TNNI3K: variants seen among roughly 807,000 people sequenced by gnomAD.
The protein encoded by TNNI3K is serine/threonine-protein kinase TNNI3K.
In TNNI3K, 140 loss-of-function variants were observed where a neutral mutation model predicts 114.5. That is an observed-to-expected ratio of 1.22 (90% CI 1.07 to 1.41). TNNI3K has a LOEUF of 1.41. Ranked by LOEUF, TNNI3K falls within the 40% of genes most tolerant of loss-of-function variation. TNNI3K has a pLI of 0.00. For missense variants in TNNI3K, 1,125 were observed against 1,007.6 expected, an observed-to-expected ratio of 1.12 and a Z score of -1.58; for synonymous variants, 347 against 347.5, an observed-to-expected ratio of 1.00 and a Z score of 0.02.
intron 11 of TNNI3K, chr1:74,366,779 T>C (rs2100513550): frequency 6.6e-6 from 1 of 152,216 alleles, no homozygotes; most frequent in South Asian, 2.1e-4. Flanking sequence ...TCTAAAAACC[T>C]ATGTAAATTA....
chr1:74,544,259 C>A lies in TNNI3K; in HGVS notation c.*277C>A. On this transcript the variant is annotated 3_prime_UTR_variant, in exon 25 of 25. Transcript: ENST00000326637. ...TTTAGATCGTTACTTGGAAATGGAGCCTAAGTCTGTGGTGGACAGATAATA... is the reference window on the plus strand; with the variant it reads ...TTTAGATCGTTACTTGGAAATGGAGACTAAGTCTGTGGTGGACAGATAATA... 1 of 362,160 alleles carries A rather than the reference C, an allele frequency of 2.8e-6. No homozygotes were observed. Among genetic ancestry groups the A allele is most frequent in the Admixed American group, 5.0e-5 (1 of 19,962 alleles). The allele number at this position is 362,160 out of a possible 1,614,324, so 22.4% of individuals were successfully genotyped here.
At chr1:74,283,695 A>G (rs1024909484) in intron 5 of TNNI3K, among the ~76,000 whole-genome samples, 2 of 152,178 alleles carry the variant, frequency 1.3e-5, no homozygotes, top group African/African-American at 4.8e-5. Flanking sequence ...CATTTGTGTT[A>G]ATTTGCATCC....
At chr1:74,496,427 A>T (rs1161932703) in intron 23 of TNNI3K, among the ~76,000 whole-genome samples, 2 of 152,178 alleles carry the variant, frequency 1.3e-5, no homozygotes, top group African/African-American at 2.4e-5. Flanking sequence ...ATGATTTTGA[A>T]AAATCAGTAC....
chr1:74,334,158 T>G (rs1010994730), intron 6 of TNNI3K, among the ~76,000 whole-genome samples: 1 of 152,214 alleles, frequency 6.6e-6, no homozygotes, highest in Non-Finnish European at 1.5e-5. Context: ...GAAGCTGAAG[T>G]ATCAAAACTA....
At chr1:74,464,862 TA>T in intron 21 of TNNI3K, 1 of 1,383,716 alleles carries the variant, frequency 7.2e-7, no homozygotes, top group Non-Finnish European at 9.4e-7. Flanking sequence ...TTCACTGCTA[TA>T]ACACTAACAT....
At chr1:74,289,239 A>G (rs551458545) in intron 5 of TNNI3K, among the ~76,000 whole-genome samples, 4 of 152,152 alleles carry the variant, frequency 2.6e-5, no homozygotes, top group African/African-American at 9.6e-5. Flanking sequence ...GACTTAAAAA[A>G]TGGATATATG....
chr1:74,235,469 T>G lies in TNNI3K; in HGVS notation c.18T>G (p.Ser6=). 3 of 1,519,270 alleles carry G rather than the reference T, an allele frequency of 2.0e-6. No homozygotes were observed. 94.1% of individuals were successfully genotyped at this position (1,519,270 alleles called of 1,614,324 possible). A position where few individuals can be genotyped will look rare whatever the true frequency, so the allele number is the denominator to read the frequency against. MGNYK[S]RPTQTCTDEW... The stretch of plus-strand genomic sequence containing the variant: ...TATAATAAATGGGAAATTATAAATC[T>G]AGACCAACCCAAACTTGTACTGGTA... Residue 6 remains serine (S), a synonymous_variant, in exon 1 of 25, where the codon TCT becomes TCG. Coordinates refer to ENST00000326637, the MANE Select transcript of TNNI3K (RefSeq NM_015978.3).
At chr1:74,317,859 T>G (rs767826103) in intron 5 of TNNI3K, among the ~76,000 whole-genome samples, 5 of 152,230 alleles carry the variant, frequency 3.3e-5, no homozygotes, top group Admixed American at 2.6e-4. Flanking sequence ...TTTCTTCAGA[T>G]GGACCCGCTG....
intron 5 of TNNI3K, among the ~76,000 whole-genome samples, chr1:74,319,977 AC>A (rs1256180276): frequency 1.3e-5 from 2 of 152,190 alleles, no homozygotes; most frequent in East Asian, 3.8e-4. Context: ...GTGTTTGTAT[AC>A]AGGTTCTGCC....
intron 21 of TNNI3K, chr1:74,475,197 T>G: frequency 1.7e-6 from 1 of 597,208 alleles, no homozygotes; most frequent in Non-Finnish European, 3.0e-6. Flanking sequence ...CTATAGTGAT[T>G]TTTATAGTAT....
At chr1:74,241,932 C>G (rs1171455342) in intron 2 of TNNI3K, among the ~76,000 whole-genome samples, 1 of 151,032 alleles carries the variant, frequency 6.6e-6, no homozygotes, top group Admixed American at 6.6e-5. Flanking sequence ...TCACTGCAAG[C>G]TCCGCCTCCT....
intron 21 of TNNI3K, among the ~76,000 whole-genome samples, chr1:74,474,368 G>T (rs988858554): frequency 6.6e-6 from 1 of 152,132 alleles, no homozygotes; most frequent in African/African-American, 2.4e-5. Flanking sequence ...ACACTGGTAA[G>T]AACTGGAGTG....
intron 17 of TNNI3K, among the ~76,000 whole-genome samples, chr1:74,407,351 C>T (rs1195891111): frequency 6.6e-6 from 1 of 152,082 alleles, no homozygotes; most frequent in Non-Finnish European, 1.5e-5. Context: ...GCAGGGATTT[C>T]TGCCATATCA....
intron 17 of TNNI3K, among the ~76,000 whole-genome samples, chr1:74,426,492 G>T (rs139536305): frequency 1.3e-5 from 2 of 151,882 alleles, no homozygotes; most frequent in African/African-American, 2.4e-5. Context: ...CTCAGCCCTC[G>T]TCTGCTTGAC....
rs115071740 is a variant in TNNI3K at position 74,332,932 on chromosome 1, G to A, written c.543+1384G>A. Among the ~76,000 whole-genome samples, 836 of 91,202 alleles carry A rather than the reference G, an allele frequency of 9.2e-3. 9 individuals carry two copies. Among genetic ancestry groups the A allele is most frequent in the African/African-American group, 0.031 (804 of 26,298 alleles). The allele number at this position is 91,202 out of a possible 152,430, so 59.8% of individuals were successfully genotyped here. A position where few individuals can be genotyped will look rare whatever the true frequency, so the allele number is the denominator to read the frequency against. ...TTAAAACACTGCCCTTTGACAGTGA[G>A]AATACTCAAGGAACTGAAAATAACA... On this transcript the variant is annotated intron_variant, in intron 6 of 24. Coordinates refer to ENST00000326637, the MANE Select transcript of TNNI3K (RefSeq NM_015978.3).
At chr1:74,368,757 G>A (rs1662418588) in intron 13 of TNNI3K, among the ~76,000 whole-genome samples, 2 of 151,742 alleles carry the variant, frequency 1.3e-5, no homozygotes, top group African/African-American at 4.8e-5. Flanking sequence ...CTTAGCCCTG[G>A]TAACCAGATC....
intron 11 of TNNI3K, chr1:74,366,605 G>C (rs1259564063): frequency 6.6e-6 from 1 of 151,972 alleles, no homozygotes. Context: ...GCACAGACCT[G>C]GAAGTTACTT....
chr1:74,482,493 C>A (rs944925678), intron 21 of TNNI3K, among the ~76,000 whole-genome samples: 2 of 152,208 alleles, frequency 1.3e-5, no homozygotes, highest in African/African-American at 4.8e-5. Flanking sequence ...TACACATCAA[C>A]TATCCATGAA....
At chr1:74,527,055 T>C (rs1400128663) in intron 23 of TNNI3K, among the ~76,000 whole-genome samples, 1 of 152,186 alleles carries the variant, frequency 6.6e-6, no homozygotes, top group East Asian at 1.9e-4. Context: ...TCTAAAAGCA[T>C]AAAAATCTAT....
Sources: gnomAD v4.1 joint callset for allele counts (sites outside exome capture counted in the v4.1 genomes callset) on GRCh38, gnomAD v4.1.1 for gene constraint, MANE v1.5 for transcripts, NCBI Gene and HGNC (gene_info 2026-07-23, HGNC 2026-07-21) for gene names.